ANTXR1: variants seen among roughly 807,000 people sequenced by gnomAD.
ANTXR1 encodes anthrax toxin receptor 1.
In ANTXR1, 19 loss-of-function variants were observed where a neutral mutation model predicts 78.1. That is an observed-to-expected ratio of 0.24 (90% CI 0.17 to 0.36). ANTXR1 has a LOEUF of 0.36. Among genes scored for constraint, ANTXR1 ranks in the 10% least tolerant of loss-of-function variants. The pLI is 1.00. For synonymous variants in ANTXR1, 273 were observed against 260.5 expected (o/e 1.05, Z -0.46); for missense variants, 518 against 718.6 (o/e 0.72, Z 3.19).
chr2:69,162,659 C>A (rs1294404691), intron 13 of ANTXR1, among the ~76,000 whole-genome samples: 1 of 152,068 alleles, frequency 6.6e-6, no homozygotes, highest in Non-Finnish European at 1.5e-5. Flanking sequence ...ACATGGAAAG[C>A]ACAAAAGACC....
At chr2:69,161,568 G>T (rs1673683321) in intron 13 of ANTXR1, among the ~76,000 whole-genome samples, 1 of 152,212 alleles carries the variant, frequency 6.6e-6, no homozygotes. Context: ...TTCAATTGAT[G>T]CTGTCTATAC....
intron 2 of ANTXR1, among the ~76,000 whole-genome samples, chr2:69,040,805 G>C (rs961387493): frequency 2.6e-5 from 4 of 152,164 alleles, no homozygotes; most frequent in African/African-American, 9.7e-5. Flanking sequence ...GAAGCAAGTT[G>C]TCAAAGTCTT....
intron 10 of ANTXR1, among the ~76,000 whole-genome samples, chr2:69,108,931 A>G (rs918816068): frequency 1.3e-5 from 2 of 152,242 alleles, no homozygotes; most frequent in Admixed American, 6.5e-5. Context: ...ATATATGATG[A>G]AAGTCACAAA....
At chr2:69,187,292 G>T (rs1674442266) in intron 16 of ANTXR1, among the ~76,000 whole-genome samples, 1 of 151,974 alleles carries the variant, frequency 6.6e-6, no homozygotes, top group Non-Finnish European at 1.5e-5. Context: ...TATTTAGCCT[G>T]CATTTTCCTT....
intron 17 of ANTXR1, among the ~76,000 whole-genome samples, chr2:69,219,644 A>T (rs1675269036): frequency 6.6e-6 from 1 of 152,220 alleles, no homozygotes; most frequent in Admixed American, 6.5e-5. Context: ...CTTTCTGATT[A>T]TAAGCAGTAC....
At chr2:69,052,244 AG>A (rs1333329046) in intron 3 of ANTXR1, among the ~76,000 whole-genome samples, 1 of 151,996 alleles carries the variant, frequency 6.6e-6, no homozygotes, top group Non-Finnish European at 1.5e-5. Flanking sequence ...CCAGTACTTA[AG>A]TTTTAATTAT....
chr2:69,084,530 T>A (rs535119958), intron 8 of ANTXR1, among the ~76,000 whole-genome samples: 10 of 151,970 alleles, frequency 6.6e-5, no homozygotes, highest in African/African-American at 2.4e-4. Flanking sequence ...TTAGTGTACA[T>A]AAAATCATAT....
chr2:69,204,477 C>A (rs934820190), intron 17 of ANTXR1, among the ~76,000 whole-genome samples: 1 of 152,150 alleles, frequency 6.6e-6, no homozygotes, highest in Non-Finnish European at 1.5e-5. Context: ...TGGAGAGATT[C>A]CCGAGCCCTC....
chr2:69,147,378 T>C (rs1288411285), intron 12 of ANTXR1, among the ~76,000 whole-genome samples: 1 of 152,228 alleles, frequency 6.6e-6, no homozygotes, highest in Non-Finnish European at 1.5e-5. Context: ...ACATTAGCTG[T>C]TAATCCCCCT....
intron 17 of ANTXR1, among the ~76,000 whole-genome samples, chr2:69,231,903 G>A (rs1015824339): frequency 2.6e-5 from 4 of 152,144 alleles, no homozygotes; most frequent in Non-Finnish European, 5.9e-5. Context: ...ATTCAAGGGA[G>A]TAGAGGCATA....
At chr2:69,083,620 C>T (rs1411004757) in intron 8 of ANTXR1, among the ~76,000 whole-genome samples, 1 of 152,174 alleles carries the variant, frequency 6.6e-6, no homozygotes, top group East Asian at 1.9e-4. Flanking sequence ...CCATGATATG[C>T]AGCCCTGTGC....
At chr2:69,103,100 G>A in intron 10 of ANTXR1, 160 bp downstream of exon 10, 1 of 786,182 alleles carries the variant, frequency 1.3e-6, no homozygotes, top group Non-Finnish European at 2.2e-6. Flanking sequence ...CCTTACAGTG[G>A]TTCCAGTCAG....
At chr2:69,065,235 C>G (rs1361433720) in intron 3 of ANTXR1, among the ~76,000 whole-genome samples, 1 of 151,956 alleles carries the variant, frequency 6.6e-6, no homozygotes, top group Non-Finnish European at 1.5e-5. Flanking sequence ...ACCATCCTGG[C>G]TAACATGGTG....
chr2:69,056,759 C>T (rs913887488), intron 3 of ANTXR1, among the ~76,000 whole-genome samples: 7 of 152,114 alleles, frequency 4.6e-5, no homozygotes, highest in South Asian at 2.1e-4. Flanking sequence ...CTACAACTTC[C>T]GCCTCCTGGG....
At chr2:69,034,233 G>A (rs1671611309) in intron 1 of ANTXR1, among the ~76,000 whole-genome samples, 1 of 152,178 alleles carries the variant, frequency 6.6e-6, no homozygotes, top group Non-Finnish European at 1.5e-5. Context: ...AACCTTCTGG[G>A]TCTAGTAGTG....
chr2:69,244,398 C>T lies in ANTXR1; in HGVS notation c.1435-827C>T, dbSNP rs542927040. Among the ~76,000 whole-genome samples the T allele has an allele frequency of 2.8e-4, 42 of 152,340 alleles. No individual in the cohort carries two copies. The South Asian group carries it at 3.3e-3, about 12-fold the overall frequency. Reference sequence around the variant, plus strand: ...GTGACAACAACTAAGGCTACCTGCACAGGTGCAGCCGCGTGTAGAAGAGGG... The same window carrying T: ...GTGACAACAACTAAGGCTACCTGCATAGGTGCAGCCGCGTGTAGAAGAGGG... On this transcript the variant is annotated intron_variant, in intron 17 of 17. Transcript: ENST00000303714.
chr2:69,158,478 A>G (rs1673588533), intron 13 of ANTXR1, among the ~76,000 whole-genome samples: 1 of 152,152 alleles, frequency 6.6e-6, no homozygotes, highest in South Asian at 2.1e-4. Flanking sequence ...GTTTTAGAGC[A>G]TTTGCTCATT....
intron 1 of ANTXR1, among the ~76,000 whole-genome samples, chr2:69,027,953 A>G (rs557584502): frequency 1.3e-5 from 2 of 152,188 alleles, no homozygotes; most frequent in Non-Finnish European, 2.9e-5. Context: ...TAATATGGAA[A>G]AATTTAAAGT....
At chr2:69,183,972 A>C (rs1199398439) in intron 16 of ANTXR1, among the ~76,000 whole-genome samples, 1 of 152,034 alleles carries the variant, frequency 6.6e-6, no homozygotes, top group African/African-American at 2.4e-5. Flanking sequence ...CTCCAGTTTC[A>C]AGCTGCAAAC....
Sources: gnomAD v4.1 joint callset for allele counts (sites outside exome capture counted in the v4.1 genomes callset) on GRCh38, gnomAD v4.1.1 for gene constraint, MANE v1.5 for transcripts, NCBI Gene and HGNC (gene_info 2026-07-23, HGNC 2026-07-21) for gene names.